CACNA2D1: variants seen among roughly 807,000 people sequenced by gnomAD.
CACNA2D1 encodes the protein calcium voltage-gated channel auxiliary subunit alpha2delta 1.
Under a neutral mutation model 171.5 loss-of-function variants are expected in CACNA2D1, and 53 were observed. That is an observed-to-expected ratio of 0.31 (90% CI 0.25 to 0.39). CACNA2D1 has a LOEUF of 0.39. Among genes scored for constraint, CACNA2D1 ranks in the 10% least tolerant of loss-of-function variants. The pLI is 1.00. For synonymous variants in CACNA2D1, 442 were observed against 443.1 expected, an observed-to-expected ratio of 1.00 and a Z score of 0.03; for missense variants, 903 against 1,299.8, an observed-to-expected ratio of 0.69 and a Z score of 4.69.
intron 3 of CACNA2D1, among the ~76,000 whole-genome samples, chr7:82,186,579 A>G (rs1797806061): frequency 6.6e-6 from 1 of 152,208 alleles, no homozygotes; most frequent in African/African-American, 2.4e-5. Context: ...TGACAGAGGT[A>G]CGAGGGCGTT....
intron 3 of CACNA2D1, among the ~76,000 whole-genome samples, chr7:82,229,677 C>T (rs371041281): frequency 1.1e-5 from 1 of 88,386 alleles, no homozygotes; most frequent in Non-Finnish European, 2.8e-5. Flanking sequence ...TTCTGGTTTA[C>T]TTTTTTTATT....
intron 5 of CACNA2D1, among the ~76,000 whole-genome samples, chr7:82,135,154 G>A (rs1026228087): frequency 4.6e-5 from 7 of 151,962 alleles, no homozygotes; most frequent in African/African-American, 4.8e-5. Flanking sequence ...AGGATTGCAC[G>A]TCAATGCCAT....
At chr7:82,148,294 C>T (rs1308285945) in intron 4 of CACNA2D1, among the ~76,000 whole-genome samples, 2 of 144,420 alleles carry the variant, frequency 1.4e-5, no homozygotes, top group Non-Finnish European at 3.0e-5. Flanking sequence ...TAAGACAAAA[C>T]TAAGAAGTCT....
At chr7:82,158,067 C>A (rs1311870410) in intron 4 of CACNA2D1, among the ~76,000 whole-genome samples, 1 of 151,710 alleles carries the variant, frequency 6.6e-6, no homozygotes, top group Non-Finnish European at 1.5e-5. Flanking sequence ...ATGTTTTCAG[C>A]ATGCTGAATA....
At chr7:81,975,922 A>G (rs1035209408) in intron 24 of CACNA2D1, among the ~76,000 whole-genome samples, 1 of 152,020 alleles carries the variant, frequency 6.6e-6, no homozygotes, top group Non-Finnish European at 1.5e-5. Context: ...TATTTTTGAG[A>G]AACTATCTGC....
At chr7:81,980,089 C>T (rs1430886094) in intron 24 of CACNA2D1, among the ~76,000 whole-genome samples, 6 of 74,974 alleles carry the variant, frequency 8.0e-5, no homozygotes, top group African/African-American at 2.4e-4. Flanking sequence ...TCGGAGGGAG[C>T]GGGATGCATA....
chr7:82,124,500 C>A (rs258689), intron 5 of CACNA2D1, among the ~76,000 whole-genome samples: 25 of 151,882 alleles, frequency 1.6e-4, no homozygotes, highest in Admixed American at 6.6e-4. Context: ...AAATCTTCTT[C>A]TGTAACTTCA....
intron 3 of CACNA2D1, among the ~76,000 whole-genome samples, chr7:82,257,964 T>C (rs1332684498): frequency 1.3e-5 from 2 of 151,998 alleles, no homozygotes; most frequent in Non-Finnish European, 2.9e-5. Context: ...AGAATAGAAA[T>C]AAAATAGAAG....
intron 1 of CACNA2D1, among the ~76,000 whole-genome samples, chr7:82,442,362 T>A (rs1158164273): frequency 6.6e-6 from 1 of 152,158 alleles, no homozygotes; most frequent in Non-Finnish European, 1.5e-5. Context: ...AAGTGACTCA[T>A]CCACTTAAGA....
chr7:82,170,048 A>G (rs1035267207), intron 4 of CACNA2D1, among the ~76,000 whole-genome samples: 3 of 151,760 alleles, frequency 2.0e-5, no homozygotes, highest in Admixed American at 2.0e-4. Flanking sequence ...AGAGTAGAAG[A>G]GAGATTACTT....
chr7:82,161,024 A>G (rs1322196018), intron 4 of CACNA2D1, among the ~76,000 whole-genome samples: 8 of 152,158 alleles, frequency 5.3e-5, no homozygotes, highest in African/African-American at 1.4e-4. Flanking sequence ...GGAAATGAAG[A>G]CCCAAAGAAA....
intron 1 of CACNA2D1, among the ~76,000 whole-genome samples, chr7:82,426,283 G>A (rs1304995173): frequency 2.0e-5 from 3 of 151,158 alleles, no homozygotes; most frequent in Admixed American, 1.3e-4. Flanking sequence ...TTGTATCCAC[G>A]TTGAGGATCT....
At chr7:82,124,954 A>C (rs894732513) in intron 5 of CACNA2D1, among the ~76,000 whole-genome samples, 1 of 152,172 alleles carries the variant, frequency 6.6e-6, no homozygotes, top group African/African-American at 2.4e-5. Context: ...ATTAGATTTC[A>C]TTGCTGTTTG....
In CACNA2D1 at chr7:81,959,786, T is replaced by A. The variant is rs1793883011; in HGVS notation, c.3010A>T (p.Ile1004Leu). The A allele has an allele frequency of 6.2e-7, 1 of 1,612,708 alleles. No individual in the cohort carries two copies. The highest frequency in any genetic ancestry group is 8.5e-7 in the Non-Finnish European group (1 of 1,179,154). Residue 1004 changes from isoleucine to leucine, a missense_variant, in exon 37 of 39, where the codon ATA (isoleucine) becomes TTA (leucine). Physicochemically the swap from Ile to Leu is conservative, Grantham distance 5. Around this residue, in one of 5 missense-constraint regions of CACNA2D1, gnomAD observed 623 missense variants for 925.5 expected, o/e 0.67. Coordinates refer to ENST00000356860, the MANE Select transcript of CACNA2D1 (RefSeq NM_000722.4). ...EKLMNTNLIF[I>L]MVESKGTCPC... ...CATGTCCCTTTGCTCTCAACCATTA[T>A]GAATATTAAGTTGGTGTTCATAAGC...
intron 3 of CACNA2D1, among the ~76,000 whole-genome samples, chr7:82,327,007 G>C (rs1672303107): frequency 6.6e-6 from 1 of 152,196 alleles, no homozygotes; most frequent in Non-Finnish European, 1.5e-5. Flanking sequence ...AGCCATATTA[G>C]AGAAAGCTGA....
At chr7:82,029,991 TG>T (rs2131122989) in intron 12 of CACNA2D1, 1 of 151,974 alleles carries the variant, frequency 6.6e-6, no homozygotes, top group East Asian at 1.9e-4. Flanking sequence ...AGCATCAGTA[TG>T]TTAGCAGACA....
At chr7:82,218,234 G>A (rs1015837950) in intron 3 of CACNA2D1, among the ~76,000 whole-genome samples, 4 of 151,924 alleles carry the variant, frequency 2.6e-5, no homozygotes, top group Non-Finnish European at 5.9e-5. Context: ...GTGTCCGGCC[G>A]ACTACATTAT....
At chr7:82,018,741 G>C (rs987772129) in intron 12 of CACNA2D1, among the ~76,000 whole-genome samples, 4 of 152,068 alleles carry the variant, frequency 2.6e-5, no homozygotes, top group Non-Finnish European at 5.9e-5. Context: ...CCAGCACTTT[G>C]AGAGGCTGAG....
chr7:81,955,978 ATATTTT>A (rs1793264615), intron 38 of CACNA2D1, among the ~76,000 whole-genome samples: 2 of 49,228 alleles, frequency 4.1e-5, no homozygotes, highest in African/African-American at 1.7e-4. Context: ...ATATATATAT[ATATTTT>A]TTTTTTTTTT....
Sources: gnomAD v4.1 joint callset for allele counts (sites outside exome capture counted in the v4.1 genomes callset) on GRCh38, gnomAD v4.1.1 for gene constraint, gnomAD v4.1.1 regional missense constraint, MANE v1.5 for transcripts, NCBI Gene and HGNC (gene_info 2026-07-23, HGNC 2026-07-21) for gene names.